Variants in MAPK10 observed in about 807,000 individuals in gnomAD.
MAPK10 encodes JNK3 alpha protein kinase.
MAPK10 carries 25 observed loss-of-function variants against 59.3 expected under a neutral mutation model. The ratio of observed to expected loss-of-function variants is 0.42; its 90% CI spans 0.31 to 0.59. The LOEUF (loss-of-function observed/expected upper bound fraction) is 0.59. Among genes scored for constraint, MAPK10 ranks in the 20% least tolerant of loss-of-function variants. The pLI is 0.15. For synonymous variants in MAPK10, 190 were observed against 200.5 expected (o/e 0.95, Z 0.44); for missense variants, 351 against 568.9 (o/e 0.62, Z 3.90).
intron 2 of MAPK10, among the ~76,000 whole-genome samples, chr4:86,219,280 T>A (rs1244519550): frequency 1.3e-5 from 2 of 152,134 alleles, no homozygotes; most frequent in Non-Finnish European, 2.9e-5. Context: ...ACAACCAAAC[T>A]CTTAAATTCC....
At chr4:86,506,667 G>A (rs971866651) in intron 1 of MAPK10, among the ~76,000 whole-genome samples, 2 of 152,144 alleles carry the variant, frequency 1.3e-5, no homozygotes, top group Non-Finnish European at 2.9e-5. Flanking sequence ...AGCACACAAA[G>A]TGTGTATTAT....
chr4:86,483,045 C>CT (rs1227252682), intron 1 of MAPK10, among the ~76,000 whole-genome samples: 2 of 152,186 alleles, frequency 1.3e-5, no homozygotes, highest in African/African-American at 4.8e-5. Context: ...ACTTCTTTGA[C>CT]TAAGCTGTCA....
rs1553900779 is a variant in MAPK10 at position 86,014,303 on chromosome 4, G to GTGTGTGT, written c.*2924_*2925insACACACA. 6.3e-5 allele frequency: 9 copies of GTGTGTGT among 143,890 alleles called. No homozygotes were observed. The highest frequency in any genetic ancestry group is 4.6e-4 in the South Asian group (2 of 4,346). The allele number at this position is 143,890 out of a possible 1,614,324, so 8.9% of individuals were successfully genotyped here. On this transcript the variant is annotated 3_prime_UTR_variant, in exon 14 of 14. Coordinates refer to ENST00000641462, the MANE Select transcript of MAPK10 (RefSeq NM_138982.4). Reference sequence around the variant, plus strand: ...AGGTGACTATTTAAGAAATATTTGGGGTGTGTGTGTGTGTGTGTGTGTGTG... The same window carrying GTGTGTGT: ...AGGTGACTATTTAAGAAATATTTGGGTGTGTGTGTGTGTGTGTGTGTGTGTGTGTGTG...
rs202234999 is a variant in MAPK10 at position 86,183,136 on chromosome 4, GTTTT to G, written c.66+11196_66+11199del. Among the ~76,000 whole-genome samples, 1,328 of 146,614 alleles carry G rather than the reference GTTTT, an allele frequency of 9.1e-3. 8 individuals are homozygous for G. Among genetic ancestry groups the G allele is most frequent in the Middle Eastern group, 0.035 (10 of 288 alleles). ...TTAACTTAGATTTTAGTTTTGGCTG[GTTTT>G]TTTTTATTATTATTATACTTTAAGT... On this transcript the variant is annotated intron_variant, in intron 3 of 13. Transcript: ENST00000641462.
chr4:86,160,474 C>T (rs1410344326), intron 3 of MAPK10: 1 of 151,950 alleles, frequency 6.6e-6, no homozygotes, highest in Non-Finnish European at 1.5e-5. Context: ...ATTAAACAAT[C>T]TATGCCAGTG....
chr4:86,297,746 T>TCCTGA (rs1554185737), intron 2 of MAPK10, among the ~76,000 whole-genome samples: 1 of 89,010 alleles, frequency 1.1e-5, no homozygotes, highest in Non-Finnish European at 2.8e-5. Context: ...TTATCTCTAC[T>TCCTGA]CTTTACTCTA....
At chr4:86,113,775 G>A (rs1192387802) in intron 4 of MAPK10, among the ~76,000 whole-genome samples, 1 of 152,182 alleles carries the variant, frequency 6.6e-6, no homozygotes, top group Non-Finnish European at 1.5e-5. Context: ...CTAGGTTGGA[G>A]ATGTTCTCCT....
At chr4:86,393,132 GATA>G (rs1480096600) in intron 1 of MAPK10, among the ~76,000 whole-genome samples, 3 of 152,070 alleles carry the variant, frequency 2.0e-5, no homozygotes, top group Admixed American at 2.0e-4. Flanking sequence ...TAAATGTATT[GATA>G]AAAACAGGCA....
In MAPK10 at chr4:86,101,890, T is replaced by C; in HGVS notation, c.564+4A>G. The C allele has an allele frequency of 6.2e-7, 1 of 1,613,906 alleles. No individual in the cohort carries two copies. Among genetic ancestry groups the C allele is most frequent in the Non-Finnish European group, 8.5e-7 (1 of 1,179,836 alleles). ...AATTGTAATCCTAGAGAAGGTGTTC[T>C]TACCCTGTGAATAATTCCAGCAGAA... On this transcript the variant is annotated splice_donor_region_variant and intron_variant, in intron 7 of 13. Transcript: ENST00000641462.
intron 2 of MAPK10, among the ~76,000 whole-genome samples, chr4:86,321,295 T>C (rs2095884693): frequency 6.6e-6 from 1 of 152,034 alleles, no homozygotes; most frequent in Admixed American, 6.6e-5. Flanking sequence ...CATATGTTTA[T>C]TGCGGCACTA....
chr4:86,130,947 T>G (rs2060891456), intron 4 of MAPK10, among the ~76,000 whole-genome samples: 1 of 152,114 alleles, frequency 6.6e-6, no homozygotes, highest in Non-Finnish European at 1.5e-5. Flanking sequence ...ATTCTAGTGC[T>G]GAGGAGCTGG....
intron 1 of MAPK10, among the ~76,000 whole-genome samples, chr4:86,405,584 C>A (rs184273020): frequency 1.3e-5 from 2 of 152,292 alleles, no homozygotes; most frequent in African/African-American, 2.4e-5. Flanking sequence ...ACTAGAAAGT[C>A]TACACACAAA....
intron 2 of MAPK10, among the ~76,000 whole-genome samples, chr4:86,277,814 T>G (rs1171515594): frequency 6.6e-6 from 1 of 152,178 alleles, no homozygotes; most frequent in Non-Finnish European, 1.5e-5. Flanking sequence ...AAATTTAATT[T>G]TGTTAACAAA....
At chr4:86,041,373 A>G (rs1035796908) in intron 11 of MAPK10, among the ~76,000 whole-genome samples, 1 of 152,190 alleles carries the variant, frequency 6.6e-6, no homozygotes, top group Non-Finnish European at 1.5e-5. Flanking sequence ...CAAAACCATA[A>G]AAACCCTAGA....
intron 4 of MAPK10, among the ~76,000 whole-genome samples, chr4:86,136,259 G>A (rs1477287457): frequency 4.6e-5 from 7 of 152,150 alleles, no homozygotes; most frequent in South Asian, 2.1e-4. Context: ...TGAAATAAAG[G>A]AAAAAATGTT....
At chr4:86,400,437 C>T (rs1181476239) in intron 1 of MAPK10, among the ~76,000 whole-genome samples, 1 of 151,908 alleles carries the variant, frequency 6.6e-6, no homozygotes, top group Non-Finnish European at 1.5e-5. Flanking sequence ...TTCTCTCTCT[C>T]CCTCTCTCTC....
chr4:86,454,313 A>C (rs1226251445), upstream of MAPK10, among the ~76,000 whole-genome samples: 1 of 152,232 alleles, frequency 6.6e-6, no homozygotes, highest in East Asian at 1.9e-4. Flanking sequence ...TTATTAAGCT[A>C]ATCAGGAAGG....
chr4:86,341,148 T>C (rs1377439770), intron 2 of MAPK10, among the ~76,000 whole-genome samples: 1 of 152,186 alleles, frequency 6.6e-6, no homozygotes, highest in Non-Finnish European at 1.5e-5. Context: ...TTTACAGTCA[T>C]GACTTAACAA....
chr4:86,581,304 T>C (rs1281438187), intron 1 of MAPK10, among the ~76,000 whole-genome samples: 1 of 151,736 alleles, frequency 6.6e-6, no homozygotes, highest in Non-Finnish European at 1.5e-5. Context: ...CTCTATTCCC[T>C]AAAACAGGAA....
Sources: gnomAD v4.1 joint callset for allele counts (sites outside exome capture counted in the v4.1 genomes callset) on GRCh38, gnomAD v4.1.1 for gene constraint, MANE v1.5 for transcripts, NCBI Gene and HGNC (gene_info 2026-07-23, HGNC 2026-07-21) for gene names.